NKAIN2: variants seen among roughly 807,000 people sequenced by gnomAD.
NKAIN2 encodes the protein sodium/potassium transporting ATPase interacting 2.
A neutral mutation model predicts 32.6 loss-of-function variants in NKAIN2; 14 were observed. The observed-to-expected ratio is 0.43, with a 90% CI of 0.28 to 0.67. NKAIN2 has a LOEUF of 0.67. NKAIN2 is among the 30% of genes least tolerant of loss of function. NKAIN2 has a pLI of 0.17. For missense variants in NKAIN2, 198 were observed against 258.3 expected, an observed-to-expected ratio of 0.77 and a Z score of 1.60; for synonymous variants, 80 against 87.2, an observed-to-expected ratio of 0.92 and a Z score of 0.46.
At chr6:124,653,131 A>C (rs1260932730) in intron 3 of NKAIN2, among the ~76,000 whole-genome samples, 1 of 152,172 alleles carries the variant, frequency 6.6e-6, no homozygotes, top group Admixed American at 6.5e-5. Flanking sequence ...AATTTTATGG[A>C]TGTTGGCAAA....
intron 1 of NKAIN2, among the ~76,000 whole-genome samples, chr6:123,817,497 T>C (rs1048794209): frequency 3.3e-5 from 5 of 152,120 alleles, no homozygotes; most frequent in Admixed American, 3.3e-4. Flanking sequence ...AGAGGGCAGC[T>C]GAGGAGATTG....
Position 124,824,447 on chromosome 6 carries a change from C to A in NKAIN2, c.*1218C>A, listed in dbSNP as rs549531350. The A allele has an allele frequency of 1.3e-5, 2 of 152,208 alleles. No homozygotes were observed. The highest frequency in any genetic ancestry group is 2.9e-5 in the Non-Finnish European group (2 of 68,000). The allele number at this position is 152,208 out of a possible 1,614,324, so 9.4% of individuals were successfully genotyped here. On this transcript the variant is annotated 3_prime_UTR_variant, in exon 7 of 7. Transcript: ENST00000368417. The stretch of plus-strand genomic sequence containing the variant: ...ATCTGTTGTGTGTTAGAGTGTATTT[C>A]AACCCTCCTGTATTATTGTGGCAGA...
At chr6:124,583,451 A>T (rs1781596529) in intron 3 of NKAIN2, among the ~76,000 whole-genome samples, 1 of 152,144 alleles carries the variant, frequency 6.6e-6, no homozygotes, top group Non-Finnish European at 1.5e-5. Context: ...ACTATAAAAT[A>T]TTGCCAAAAT....
chr6:124,303,133 C>T (rs554267271), intron 2 of NKAIN2, among the ~76,000 whole-genome samples: 4 of 151,968 alleles, frequency 2.6e-5, no homozygotes, highest in Non-Finnish European at 4.4e-5. Flanking sequence ...TTAAGATGCA[C>T]AAAATATAAA....
At chr6:124,676,567 T>C (rs2114490114) in intron 4 of NKAIN2, among the ~76,000 whole-genome samples, 1 of 152,308 alleles carries the variant, frequency 6.6e-6, no homozygotes, top group East Asian at 1.9e-4. Flanking sequence ...CTATTATCCC[T>C]ATATAGTCCT....
intron 1 of NKAIN2, among the ~76,000 whole-genome samples, chr6:123,961,511 A>G (rs1456272524): frequency 6.6e-6 from 1 of 152,152 alleles, no homozygotes; most frequent in Non-Finnish European, 1.5e-5. Flanking sequence ...GGCATATGCA[A>G]ATACAAATCC....
intron 1 of NKAIN2, among the ~76,000 whole-genome samples, chr6:124,043,432 A>G (rs2114815047): frequency 6.6e-6 from 1 of 152,192 alleles, no homozygotes; most frequent in African/African-American, 2.4e-5. Flanking sequence ...TCCACCATCT[A>G]AGTCCTACCC....
chr6:124,021,285 A>T (rs1325442174), intron 1 of NKAIN2, among the ~76,000 whole-genome samples: 2 of 152,066 alleles, frequency 1.3e-5, no homozygotes, highest in African/African-American at 2.4e-5. Flanking sequence ...AAACAGTATT[A>T]TATATTTTTT....
chr6:124,425,021 A>G (rs921892611), intron 3 of NKAIN2, among the ~76,000 whole-genome samples: 1 of 152,146 alleles, frequency 6.6e-6, no homozygotes, highest in Non-Finnish European at 1.5e-5. Flanking sequence ...ACATTCCCAG[A>G]GTAGAGAGCC....
Position 124,601,372 on chromosome 6 carries a change from T to A in NKAIN2, c.274-56814T>A, listed in dbSNP as rs907786412. On this transcript the variant is annotated intron_variant, in intron 3 of 6. Coordinates refer to ENST00000368417, the MANE Select transcript of NKAIN2 (RefSeq NM_001040214.3). ...TCTGCCTATTGCGTACACAATTCTG[T>A]GCTACTGAAGTACTGGATTAGCAAG... 3.3e-5 allele frequency among the ~76,000 whole-genome samples: 5 copies of A among 152,238 alleles called. No individual in the cohort carries two copies. The East Asian group carries it at 9.6e-4, about 29-fold the overall frequency.
chr6:123,922,038 C>T (rs2114493438), intron 1 of NKAIN2, among the ~76,000 whole-genome samples: 1 of 152,244 alleles, frequency 6.6e-6, no homozygotes, highest in Non-Finnish European at 1.5e-5. Flanking sequence ...TAATTTAGCT[C>T]AGGATTTCTG....
At chr6:124,346,724 G>T (rs1318314641) in intron 2 of NKAIN2, among the ~76,000 whole-genome samples, 3 of 151,860 alleles carry the variant, frequency 2.0e-5, no homozygotes. Context: ...GAGCCTATGT[G>T]TGTCTCTGCA....
intron 1 of NKAIN2, among the ~76,000 whole-genome samples, chr6:124,015,100 A>C (rs1322064574): frequency 6.6e-6 from 1 of 152,214 alleles, no homozygotes; most frequent in Non-Finnish European, 1.5e-5. Flanking sequence ...CACAACTAGT[A>C]GAGTGTAAAG....
intron 4 of NKAIN2, among the ~76,000 whole-genome samples, chr6:124,682,996 C>T (rs1176680896): frequency 5.9e-5 from 9 of 152,138 alleles, no homozygotes; most frequent in Non-Finnish European, 1.3e-4. Context: ...GTGCAGCCAG[C>T]ATATGTCATG....
At chr6:124,075,095 G>A (rs1401082129) in intron 1 of NKAIN2, among the ~76,000 whole-genome samples, 2 of 152,172 alleles carry the variant, frequency 1.3e-5, no homozygotes, top group African/African-American at 2.4e-5. Context: ...GGGTTAAATT[G>A]AGGCATGTGT....
rs73565139 is a variant in NKAIN2, at chr6:123,863,940, G to A, written c.54+59686G>A. Among the ~76,000 whole-genome samples, 1,056 of 152,178 alleles carry A rather than the reference G, an allele frequency of 6.9e-3. 7 individuals carry two copies. Among genetic ancestry groups the A allele is most frequent in the African/African-American group, 0.024 (986 of 41,524 alleles). ...GAAGGTATACTTAATGAAGAAAAAAGGAGTTCAGATTTAACACTTGGTATG... is the reference window on the plus strand; with the variant it reads ...GAAGGTATACTTAATGAAGAAAAAAAGAGTTCAGATTTAACACTTGGTATG... On this transcript the variant is annotated intron_variant, in intron 1 of 6. Transcript: ENST00000368417.
intron 3 of NKAIN2, among the ~76,000 whole-genome samples, chr6:124,429,422 A>G (rs917005231): frequency 9.9e-5 from 15 of 151,482 alleles, no homozygotes; most frequent in African/African-American, 3.4e-4. Flanking sequence ...AACTTCTTCA[A>G]CCTCCCTAGG....
At chr6:124,614,457 T>TTTC (rs1489337131) in intron 3 of NKAIN2, among the ~76,000 whole-genome samples, 4 of 152,258 alleles carry the variant, frequency 2.6e-5, no homozygotes, top group Non-Finnish European at 5.9e-5. Context: ...GTCAACCATT[T>TTTC]TTCTTTATAT....
At chr6:124,098,165 T>C (rs1329840560) in intron 1 of NKAIN2, among the ~76,000 whole-genome samples, 1 of 152,222 alleles carries the variant, frequency 6.6e-6, no homozygotes, top group East Asian at 1.9e-4. Flanking sequence ...AAATGGTCTT[T>C]ATTGTTCCTA....
Sources: gnomAD v4.1 joint callset for allele counts (sites outside exome capture counted in the v4.1 genomes callset) on GRCh38, gnomAD v4.1.1 for gene constraint, MANE v1.5 for transcripts, NCBI Gene and HGNC (gene_info 2026-07-23, HGNC 2026-07-21) for gene names.